Variants in PPP1R1C observed in about 807,000 individuals in gnomAD.
The protein encoded by PPP1R1C is protein phosphatase 1 regulatory inhibitor subunit 1C.
PPP1R1C carries 15 observed loss-of-function variants against 17.4 expected under a neutral mutation model. The observed-to-expected ratio is 0.86, with a 90% CI of 0.58 to 1.33. PPP1R1C has a LOEUF of 1.33. Ranked by LOEUF, PPP1R1C falls within the 40% of genes most tolerant of loss-of-function variation. The probability of loss-of-function intolerance (pLI) is 0.00; values close to 1 mark genes in which losing one functional copy is unlikely to be tolerated. For missense variants in PPP1R1C, 143 were observed against 130.0 expected (o/e 1.10, Z -0.48); for synonymous variants, 35 against 43.1 (o/e 0.81, Z 0.73).
chr2:182,053,411 G>A (rs921975372), intron 2 of PPP1R1C, among the ~76,000 whole-genome samples: 7 of 151,954 alleles, frequency 4.6e-5, no homozygotes, highest in African/African-American at 1.5e-4. Context: ...GATCTTTTTC[G>A]ATTGTCTGAA....
exon 6 of PPP1R1C, chr2:182,129,679 G>T (rs191632023): frequency 6.6e-6 from 1 of 152,190 alleles, no homozygotes; most frequent in East Asian, 1.9e-4. Context: ...AAGAAAATAA[G>T]TGTCCCCAAA....
intron 1 of PPP1R1C, among the ~76,000 whole-genome samples, chr2:181,956,844 A>G (rs1298146428): frequency 6.6e-6 from 1 of 152,216 alleles, no homozygotes; most frequent in African/African-American, 2.4e-5. Context: ...TAGATACTGT[A>G]AGTAAATTGA....
intron 2 of PPP1R1C, among the ~76,000 whole-genome samples, chr2:182,041,334 C>T (rs554427573): frequency 1.5e-4 from 23 of 152,200 alleles, no homozygotes; most frequent in South Asian, 4.1e-4. Flanking sequence ...CCAGGCCTGG[C>T]GTGGTAGCTC....
At chr2:182,053,040 A>G (rs1687572834) in intron 2 of PPP1R1C, among the ~76,000 whole-genome samples, 1 of 152,244 alleles carries the variant, frequency 6.6e-6, no homozygotes, top group Non-Finnish European at 1.5e-5. Flanking sequence ...TGGAACCAAG[A>G]AAAACAGGCT....
At position 182,078,258 on chromosome 2, in the gene PPP1R1C, G is replaced by A. The variant is rs145741967; in HGVS notation, c.241+14467G>A. On this transcript the variant is annotated intron_variant, in intron 4 of 4. Transcript: ENST00000682840. ...CAACAGAAAGTCTTCTTATTTTTAT[G>A]ATTATTAAATTGTGAGCCACCTTAC... Among the ~76,000 whole-genome samples the A allele has an allele frequency of 6.3e-3, 952 of 152,242 alleles. 8 individuals carry two copies. The highest frequency in any genetic ancestry group is 0.022 in the African/African-American group (917 of 41,558).
intron 4 of PPP1R1C, among the ~76,000 whole-genome samples, chr2:182,109,331 A>T (rs1199111690): frequency 1.3e-5 from 2 of 152,098 alleles, no homozygotes; most frequent in Admixed American, 6.6e-5. Flanking sequence ...CACAGAGCAG[A>T]TGTTTTAATT....
intron 4 of PPP1R1C, among the ~76,000 whole-genome samples, chr2:182,089,917 T>C (rs931382681): frequency 6.6e-6 from 1 of 152,074 alleles, no homozygotes; most frequent in African/African-American, 2.4e-5. Context: ...ATAAATATTT[T>C]ACAGCAATTT....
At chr2:182,020,513 C>G (rs1686388357) in intron 2 of PPP1R1C, among the ~76,000 whole-genome samples, 1 of 152,112 alleles carries the variant, frequency 6.6e-6, no homozygotes. Flanking sequence ...CCTAGAGGCC[C>G]CTCACATTTT....
chr2:182,065,713 T>C (rs1687966229), intron 4 of PPP1R1C, among the ~76,000 whole-genome samples: 1 of 152,036 alleles, frequency 6.6e-6, no homozygotes, highest in Admixed American at 6.6e-5. Flanking sequence ...GCCTGGGCAA[T>C]ATAGTGAGAC....
At chr2:182,045,652 T>A (rs1687320886) in intron 2 of PPP1R1C, among the ~76,000 whole-genome samples, 1 of 152,168 alleles carries the variant, frequency 6.6e-6, no homozygotes. Flanking sequence ...CTTTATTTTA[T>A]GTTATTTTTA....
At chr2:182,053,415 G>T (rs1687584663) in intron 2 of PPP1R1C, among the ~76,000 whole-genome samples, 1 of 152,074 alleles carries the variant, frequency 6.6e-6, no homozygotes, top group African/African-American at 2.4e-5. Flanking sequence ...TTTTTCGATT[G>T]TCTGAAAATG....
At chr2:182,059,096 A>C (rs1687772084) in intron 2 of PPP1R1C, among the ~76,000 whole-genome samples, 1 of 152,094 alleles carries the variant, frequency 6.6e-6, no homozygotes, top group Non-Finnish European at 1.5e-5. Context: ...CTAACTAATC[A>C]ATACTCAAAA....
intron 2 of PPP1R1C, among the ~76,000 whole-genome samples, chr2:182,001,214 G>T (rs1685756080): frequency 6.6e-6 from 1 of 152,162 alleles, no homozygotes; most frequent in African/African-American, 2.4e-5. Flanking sequence ...TGAGCTGGTT[G>T]TTTCACTGTT....
chr2:182,085,704 C>A, intron 4 of PPP1R1C, among the ~76,000 whole-genome samples: 1 of 152,128 alleles, frequency 6.6e-6, no homozygotes, highest in East Asian at 1.9e-4. Context: ...ACAACAGAAT[C>A]TATTCTAGTT....
chr2:182,041,761 C>T (rs959510075), intron 2 of PPP1R1C, among the ~76,000 whole-genome samples: 1 of 151,960 alleles, frequency 6.6e-6, no homozygotes, highest in East Asian at 1.9e-4. Flanking sequence ...ATATAACATA[C>T]GTCCGTATGT....
At chr2:182,060,417 A>C (rs1048120877) in intron 2 of PPP1R1C, among the ~76,000 whole-genome samples, 7 of 152,070 alleles carry the variant, frequency 4.6e-5, no homozygotes, top group African/African-American at 1.7e-4. Flanking sequence ...TTTTGTTGCA[A>C]AAGTAATACA....
At chr2:182,092,105 T>C (rs1288027167) in intron 4 of PPP1R1C, among the ~76,000 whole-genome samples, 1 of 152,160 alleles carries the variant, frequency 6.6e-6, no homozygotes, top group African/African-American at 2.4e-5. Flanking sequence ...AGTGTATTAG[T>C]CCGTTTTCAT....
chr2:181,984,114 G>T (rs921710997), upstream of PPP1R1C, among the ~76,000 whole-genome samples: 2 of 152,190 alleles, frequency 1.3e-5, no homozygotes, highest in African/African-American at 4.8e-5. Context: ...TTGAAAATGT[G>T]TATGTTGAAG....
At chr2:182,041,597 G>T in intron 2 of PPP1R1C, among the ~76,000 whole-genome samples, 1 of 125,652 alleles carries the variant, frequency 8.0e-6, no homozygotes, top group Non-Finnish European at 1.6e-5. Flanking sequence ...TGACAACAGA[G>T]AGACTCTGTC....
Sources: allele counts gnomAD v4.1 joint callset (sites outside exome capture counted in the v4.1 genomes callset), GRCh38; gene constraint gnomAD v4.1.1; transcripts MANE v1.5; gene names NCBI Gene and HGNC (gene_info 2026-07-23, HGNC 2026-07-21).